Variants in COL4A4 observed in about 807,000 individuals in gnomAD.
COL4A4 encodes the protein collagen alpha-4(IV) chain.
Under a neutral mutation model 192.9 loss-of-function variants are expected in COL4A4, and 105 were observed. That is an observed-to-expected ratio of 0.54 (90% CI 0.46 to 0.64). The LOEUF (loss-of-function observed/expected upper bound fraction) is 0.64. COL4A4 is among the 30% of genes least tolerant of loss of function. The probability of loss-of-function intolerance (pLI) is 0.00; values close to 1 mark genes in which losing one functional copy is unlikely to be tolerated. For missense variants in COL4A4, 1,967 were observed against 2,169.3 expected, an observed-to-expected ratio of 0.91 and a Z score of 1.85; for synonymous variants, 762 against 769.9, an observed-to-expected ratio of 0.99 and a Z score of 0.17.
At chr2:226,986,238 G>A in the COL4A4 span, among the ~76,000 whole-genome samples, 3 of 152,118 alleles carry the variant, frequency 2.0e-5, no homozygotes, top group Admixed American at 6.5e-5. Flanking sequence ...AAGGAGACTT[G>A]GTAACAAAAT....
Position 227,062,527 on chromosome 2 carries a change from T to C in COL4A4, c.2056+3A>G, listed in dbSNP as rs746123653. 1 of 1,573,724 alleles carries C rather than the reference T, an allele frequency of 6.4e-7. No individual in the cohort carries two copies. Among genetic ancestry groups the C allele is most frequent in the East Asian group, 2.2e-5 (1 of 44,672 alleles). On this transcript the variant is annotated splice_donor_region_variant and intron_variant, in intron 26 of 47. Coordinates refer to ENST00000396625, the MANE Select transcript of COL4A4 (RefSeq NM_000092.5). ...TAAGACAGTAACTTCTCATTGATAATACCTGGAGGTCCATCAAAACCTGGA... is the reference window on the plus strand; with the variant it reads ...TAAGACAGTAACTTCTCATTGATAACACCTGGAGGTCCATCAAAACCTGGA...
At chr2:227,066,560 T>C (rs2058354385) in intron 25 of COL4A4, among the ~76,000 whole-genome samples, 1 of 152,130 alleles carries the variant, frequency 6.6e-6, no homozygotes, top group South Asian at 2.1e-4. Context: ...GGGGCCAATA[T>C]TCAACATTCT....
chr2:227,141,648 C>A (rs1229748730), intron 3 of COL4A4, among the ~76,000 whole-genome samples: 1 of 152,024 alleles, frequency 6.6e-6, no homozygotes, highest in Non-Finnish European at 1.5e-5. Context: ...TCTCATGGAT[C>A]ATTAAAAGCA....
intron 5 of COL4A4, among the ~76,000 whole-genome samples, chr2:227,120,517 ATGTATT>A (rs2061717048): frequency 1.3e-5 from 2 of 152,150 alleles, no homozygotes; most frequent in African/African-American, 4.8e-5. Context: ...GGGTACACAC[ATGTATT>A]TAAAGGTCCA....
chr2:227,031,846 A>G, intron 40 of COL4A4, 99 bp downstream of exon 40: 1 of 886,264 alleles, frequency 1.1e-6, no homozygotes, highest in Non-Finnish European at 1.9e-6. Flanking sequence ...GGGCTGCTTC[A>G]GTGCTTCTAT....
At chr2:227,041,826 A>AAGAGAAAGAAAG (rs1453734408) in intron 37 of COL4A4, among the ~76,000 whole-genome samples, 1 of 38,192 alleles carries the variant, frequency 2.6e-5, no homozygotes, top group African/African-American at 1.4e-4. Flanking sequence ...GAAAGAAAGA[A>AAGAGAAAGAAAG]AGAAAGAAAG....
chr2:226,974,583 T>C, the COL4A4 span, among the ~76,000 whole-genome samples: 1 of 152,334 alleles, frequency 6.6e-6, no homozygotes, highest in African/African-American at 2.4e-5. Flanking sequence ...TTAACTTCTT[T>C]AGAGTCACTT....
the COL4A4 span, among the ~76,000 whole-genome samples, chr2:226,971,806 T>A: frequency 6.6e-6 from 1 of 152,152 alleles, no homozygotes; most frequent in Non-Finnish European, 1.5e-5. Flanking sequence ...ATTTTTTTTT[T>A]AATCCAAAGG....
At chr2:227,052,062 G>A (rs188278495) in intron 32 of COL4A4, among the ~76,000 whole-genome samples, 82 of 152,116 alleles carry the variant, frequency 5.4e-4, no homozygotes, top group Non-Finnish European at 1.1e-3. Context: ...GTGGTGGCAT[G>A]CGCCTGTAAT....
chr2:227,130,026 T>C (rs746157700), intron 4 of COL4A4, among the ~76,000 whole-genome samples: 2 of 152,176 alleles, frequency 1.3e-5, no homozygotes, highest in Non-Finnish European at 2.9e-5. Flanking sequence ...CCTTTGGCAG[T>C]GCCTCCAGGA....
In COL4A4 at chr2:227,072,614, A is replaced by G. The variant is rs73078229; in HGVS notation, c.1987+5280T>C. 2.0e-5 allele frequency among the ~76,000 whole-genome samples: 3 copies of G among 151,846 alleles called. No homozygotes were observed. The South Asian group carries it at 6.2e-4, about 32-fold the overall frequency. ...AGATACACACACACACACACAAACT[A>G]CAGACCAATTTCCTTGATGAACATA... On this transcript the variant is annotated intron_variant, in intron 25 of 47. Transcript: ENST00000396625.
chr2:227,064,396 T>C (rs2058167861), intron 25 of COL4A4, among the ~76,000 whole-genome samples: 1 of 152,120 alleles, frequency 6.6e-6, no homozygotes, highest in South Asian at 2.1e-4. Flanking sequence ...AGACATATGG[T>C]ATTAGTAAAA....
the COL4A4 span, among the ~76,000 whole-genome samples, chr2:226,984,938 G>A: frequency 1.3e-5 from 2 of 151,466 alleles, no homozygotes; most frequent in Non-Finnish European, 2.9e-5. Flanking sequence ...GGTGGGGGAG[G>A]GGGAGGAGGG....
chr2:227,108,445 C>G, intron 12 of COL4A4, 136 bp downstream of exon 12: 3 of 830,722 alleles, frequency 3.6e-6, no homozygotes, highest in South Asian at 1.4e-5. Context: ...AATAATTCGG[C>G]AAAGAAAAGT....
intron 37 of COL4A4, among the ~76,000 whole-genome samples, chr2:227,041,755 G>A (rs1970955874): frequency 8.6e-6 from 1 of 116,078 alleles, no homozygotes; most frequent in African/African-American, 3.5e-5. Flanking sequence ...AGGAAGGAAG[G>A]AAGGAAGGAA....
At chr2:227,074,901 A>G (rs2150436019) in intron 25 of COL4A4, among the ~76,000 whole-genome samples, 1 of 152,230 alleles carries the variant, frequency 6.6e-6, no homozygotes, top group South Asian at 2.1e-4. Context: ...AGATTCAGAA[A>G]AGGGAGGATG....
At chr2:227,030,754 A>C (rs1305102375) in intron 40 of COL4A4, among the ~76,000 whole-genome samples, 156 bp from the exon 41 acceptor site, 1 of 152,274 alleles carries the variant, frequency 6.6e-6, no homozygotes, top group Non-Finnish European at 1.5e-5. Flanking sequence ...CAGAAATGAA[A>C]TAGAATGAAT....
In COL4A4 at chr2:227,104,549, T is replaced by A. The variant is rs183475888; in HGVS notation, c.736-497A>T. ...GTGAGCAGAGATTGTGCCACTGCAC[T>A]CCAGCCTGGGCGACAGAGCGAGACT... On this transcript the variant is annotated intron_variant, in intron 12 of 47. Coordinates refer to ENST00000396625, the MANE Select transcript of COL4A4 (RefSeq NM_000092.5). Among the ~76,000 whole-genome samples, 35 of 147,248 alleles carry A rather than the reference T, an allele frequency of 2.4e-4. 2 individuals carry two copies. In the East Asian group the frequency reaches 7.2e-3, roughly 30 times the overall value.
chr2:226,974,269 G>A, the COL4A4 span, among the ~76,000 whole-genome samples: 3 of 134,104 alleles, frequency 2.2e-5, no homozygotes, highest in Admixed American at 7.7e-5. Flanking sequence ...ACAGAGTCTC[G>A]CTCTGTCGCC....
Sources: gnomAD v4.1 joint callset for allele counts (sites outside exome capture counted in the v4.1 genomes callset) on GRCh38, gnomAD v4.1.1 for gene constraint, MANE v1.5 for transcripts, NCBI Gene and HGNC (gene_info 2026-07-23, HGNC 2026-07-21) for gene names.